The following MYRFL variants were observed in gnomAD, a reference collection of about 807,000 sequenced individuals.
MYRFL encodes the protein myelin regulatory factor like, also known as myelin regulatory factor-like protein.
MYRFL carries 88 observed loss-of-function variants against 109.4 expected under a neutral mutation model. The observed-to-expected ratio is 0.80, with a 90% CI of 0.68 to 0.96. The LOEUF is 0.96. MYRFL is among the 40% of genes least tolerant of loss of function. The probability of loss-of-function intolerance (pLI) is 0.00; values close to 1 mark genes in which losing one functional copy is unlikely to be tolerated. For missense variants in MYRFL, 957 were observed against 954.9 expected (o/e 1.00, Z -0.03); for synonymous variants, 324 against 320.9 (o/e 1.01, Z -0.10).
chr12:69,958,152 C>T, intron 23 of MYRFL, 97 bp from the exon 24 acceptor site: 1 of 1,222,402 alleles, frequency 8.2e-7, no homozygotes, highest in Non-Finnish European at 1.1e-6. Flanking sequence ...CAATACTTCT[C>T]CTACAGTCAT....
chr12:69,836,017 G>A (rs1240257), intron 1 of MYRFL, among the ~76,000 whole-genome samples: 30,321 of 152,214 alleles, frequency 0.2, 3,786 homozygotes, highest in Middle Eastern at 0.35. Context: ...TTGCCTTGGT[G>A]TACCGGAAGA....
intron 1 of MYRFL, among the ~76,000 whole-genome samples, chr12:69,852,048 G>A (rs1371181246): frequency 2.6e-5 from 4 of 152,316 alleles, no homozygotes; most frequent in Middle Eastern, 3.4e-3. Context: ...TAAAGTCCAC[G>A]AGTTCAAATT....
chr12:69,889,102 C>A (rs1033820190), intron 6 of MYRFL, among the ~76,000 whole-genome samples: 3 of 151,962 alleles, frequency 2.0e-5, no homozygotes, highest in African/African-American at 7.2e-5. Context: ...TTTAGAAACT[C>A]TTGTGTTATT....
chr12:69,851,730 C>G (rs1176434316), intron 1 of MYRFL, among the ~76,000 whole-genome samples: 4 of 152,216 alleles, frequency 2.6e-5, no homozygotes, highest in Non-Finnish European at 2.9e-5. Flanking sequence ...GCGATCATGG[C>G]TCACTGTAGC....
At position 69,907,143 on chromosome 12, in the gene MYRFL, A is replaced by G. The variant is rs185258284; in HGVS notation, c.1384-2826A>G. Reference sequence around the variant, plus strand: ...CAAGTGTACACATAGGGATCATGCAATACAGGCTACTGTTTATATTTAGCT... The same window carrying G: ...CAAGTGTACACATAGGGATCATGCAGTACAGGCTACTGTTTATATTTAGCT... On this transcript the variant is annotated intron_variant, in intron 11 of 24. Coordinates refer to ENST00000552032, the MANE Select transcript of MYRFL (RefSeq NM_182530.3). 1.4e-3 allele frequency among the ~76,000 whole-genome samples: 212 copies of G among 152,322 alleles called. 2 individuals are homozygous for G. In the South Asian group the frequency reaches 0.027, roughly 19 times the overall value.
Position 69,910,049 on chromosome 12 carries a change from A to G in MYRFL, c.1464A>G (p.Ala488=). 1 of 1,534,438 alleles carries G rather than the reference A, an allele frequency of 6.5e-7. No individual in the cohort carries two copies. Among genetic ancestry groups the G allele is most frequent in the African/African-American group, 1.4e-5 (1 of 73,086 alleles). The change falls in exon 12 of 25, where the codon GCA becomes GCG. Residue 488 remains alanine, a synonymous_variant. Transcript: ENST00000552032. ...EYDYKPEFAS[A]MGINTAHQTG... ...ACTACAAACCTGAATTTGCATCTGC[A>G]ATGGGAATAAACACTGCCCATCAAA...
chr12:69,825,618 C>A, intron 1 of MYRFL, 55 bp downstream of exon 1: 1 of 688,282 alleles, frequency 1.5e-6, no homozygotes, highest in Non-Finnish European at 2.6e-6. Flanking sequence ...GCTCACTATC[C>A]CTGTTTCACC....
rs1003044970 is a variant in MYRFL at position 69,855,358 on chromosome 12, A to G, written c.125A>G (p.Asp42Gly). The G allele has an allele frequency of 5.7e-6, 4 of 702,588 alleles. No homozygotes were observed. The African/African-American group carries it at 7.0e-5, about 12-fold the overall frequency. The allele number at this position is 702,588 out of a possible 1,614,324, so 43.5% of individuals were successfully genotyped here. Residue 42 changes from aspartate to glycine, a missense_variant, in exon 2 of 25, where the codon GAT becomes GGT. Transcript: ENST00000552032. ...GAGGAATTTCTGGGCAATGACTTTG[A>G]TTTGGGGGCCTTGTAAGTAATGAGA... ...LLEEFLGNDF[D>G]LGALQRQLPD...
At position 69,936,105 on chromosome 12, in the gene MYRFL, T is replaced by A; in HGVS notation, c.1917-8T>A. ...TTTTTTTTTTTTTTTTTTTTTTTTT[T>A]TTGACAGTGCTTTGACGATAGTTGC... On this transcript the variant is annotated splice_polypyrimidine_tract_variant and splice_region_variant and intron_variant, in intron 16 of 24. Coordinates refer to ENST00000552032, the MANE Select transcript of MYRFL (RefSeq NM_182530.3). 1 of 1,327,164 alleles carries A rather than the reference T, an allele frequency of 7.5e-7. No individual in the cohort carries two copies. Among genetic ancestry groups the A allele is most frequent in the Non-Finnish European group, 1.0e-6 (1 of 995,730 alleles). The allele number at this position is 1,327,164 out of a possible 1,614,324, so 82.2% of individuals were successfully genotyped here. A position where few individuals can be genotyped will look rare whatever the true frequency, so the allele number is the denominator to read the frequency against.
chr12:69,872,464 T>C (rs540835175), intron 2 of MYRFL, among the ~76,000 whole-genome samples: 2 of 152,082 alleles, frequency 1.3e-5, no homozygotes, highest in South Asian at 4.2e-4. Flanking sequence ...GCTGGGACTA[T>C]AGGTGTGCAC....
intron 6 of MYRFL, among the ~76,000 whole-genome samples, chr12:69,888,259 T>C (rs1886578095): frequency 6.6e-6 from 1 of 152,210 alleles, no homozygotes; most frequent in Non-Finnish European, 1.5e-5. Context: ...TTAGCCATAA[T>C]TCACTTTTCC....
intron 13 of MYRFL, among the ~76,000 whole-genome samples, chr12:69,920,385 A>G (rs1954872743): frequency 6.6e-6 from 1 of 152,188 alleles, no homozygotes; most frequent in Non-Finnish European, 1.5e-5. Flanking sequence ...GGTACTTCAG[A>G]TAAAAGAATA....
rs557495282 is a variant in MYRFL, at chr12:69,939,071, C to T, written c.2224+2439C>T. Among the ~76,000 whole-genome samples, 465 of 152,208 alleles carry T rather than the reference C, an allele frequency of 3.1e-3. 7 individuals are homozygous for T. Among genetic ancestry groups the T allele is most frequent in the African/African-American group, 0.01 (425 of 41,550 alleles). The stretch of plus-strand genomic sequence containing the variant: ...CATGGAGTCTCGCTGATTGCTAGCA[C>T]AGCAGTCTGAGATCAAACTGCAAGG... On this transcript the variant is annotated intron_variant, in intron 19 of 24. Transcript: ENST00000552032.
Position 69,926,746 on chromosome 12 carries a change from C to T in MYRFL, c.1766+12C>T, listed in dbSNP as rs1414461067. The T allele has an allele frequency of 7.0e-7, 1 of 1,420,806 alleles. No homozygotes were observed. Among genetic ancestry groups the T allele is most frequent in the Non-Finnish European group, 9.2e-7 (1 of 1,085,588 alleles). 88.0% of individuals were successfully genotyped at this position (1,420,806 alleles called of 1,614,324 possible). A position where few individuals can be genotyped will look rare whatever the true frequency, so the allele number is the denominator to read the frequency against. On this transcript the variant is annotated intron_variant, in intron 14 of 24. Transcript: ENST00000552032. ...GCAAGCACAATCAGGTACGTGCAGC[C>T]AGGATTGCCATAGAAATTTGGGGAA...
intron 2 of MYRFL, among the ~76,000 whole-genome samples, chr12:69,877,142 G>A (rs1019051789): frequency 1.3e-5 from 2 of 151,246 alleles, no homozygotes; most frequent in African/African-American, 4.9e-5. Context: ...TCCTGCCTCA[G>A]CCTCCCGAGT....
chr12:69,863,124 T>C (rs1035774174), intron 2 of MYRFL, among the ~76,000 whole-genome samples: 1 of 151,956 alleles, frequency 6.6e-6, no homozygotes, highest in Admixed American at 6.6e-5. Flanking sequence ...TGGATAAGCT[T>C]TTTGATGTGC....
At chr12:69,852,125 T>G (rs1031367419) in intron 1 of MYRFL, among the ~76,000 whole-genome samples, 2 of 152,218 alleles carry the variant, frequency 1.3e-5, no homozygotes, top group African/African-American at 4.8e-5. Context: ...TTCAGATGCC[T>G]GTAGAGGTTA....
intron 15 of MYRFL, among the ~76,000 whole-genome samples, chr12:69,930,781 C>T (rs1256641506): frequency 6.9e-6 from 1 of 144,940 alleles, no homozygotes; most frequent in Non-Finnish European, 1.5e-5. Context: ...CATTGCACTC[C>T]AGCATTGGTG....
At chr12:69,944,999 A>T (rs1001999818) in intron 19 of MYRFL, among the ~76,000 whole-genome samples, 1 of 152,198 alleles carries the variant, frequency 6.6e-6, no homozygotes, top group African/African-American at 2.4e-5. Flanking sequence ...AACGAAAATA[A>T]AATAGATATT....
Sources: allele counts gnomAD v4.1 joint callset (sites outside exome capture counted in the v4.1 genomes callset), GRCh38; gene constraint gnomAD v4.1.1; transcripts MANE v1.5; gene names NCBI Gene and HGNC (gene_info 2026-07-23, HGNC 2026-07-21).